Variants in TBC1D24 observed in about 807,000 individuals in gnomAD.
TBC1D24 encodes the protein Infantile myoclonic epilepsy.
A neutral mutation model predicts 50.7 loss-of-function variants in TBC1D24; 47 were observed. That is an observed-to-expected ratio of 0.93 (90% CI 0.73 to 1.18). The LOEUF (loss-of-function observed/expected upper bound fraction) is 1.18, where lower values mean the gene tolerates loss of function less well. Among genes scored for constraint, TBC1D24 ranks in the 50% most tolerant of loss-of-function variants. The probability of loss-of-function intolerance (pLI) is 0.00; values close to 1 mark genes in which losing one functional copy is unlikely to be tolerated. For missense variants in TBC1D24, 688 were observed against 766.5 expected, an observed-to-expected ratio of 0.90 and a Z score of 1.21; for synonymous variants, 324 against 335.2, an observed-to-expected ratio of 0.97 and a Z score of 0.36.
At position 2,496,589 on chromosome 16, in the gene TBC1D24, C is replaced by T. The variant is rs149371169; in HGVS notation, c.441C>T (p.Asp147=). 3.2e-4 allele frequency: 516 copies of T among 1,609,646 alleles called. 1 individual carries two copies. In the African/African-American group the frequency reaches 6.2e-3, roughly 19 times the overall value. The change falls in exon 2 of 8, where the codon GAC becomes GAT. Residue 147 remains aspartate (D), a synonymous_variant. Coordinates refer to ENST00000646147, the MANE Select transcript of TBC1D24 (RefSeq NM_001199107.2). The part of the protein sequence containing the change: ...VVALLLHYSI[D]EAECFEKACR... ...CCCTGCTGCTGCACTACAGCATCGA[C>T]GAGGCCGAGTGCTTCGAGAAGGCCT...
At position 2,496,841 on chromosome 16, in the gene TBC1D24, C is replaced by A; in HGVS notation, c.693C>A (p.Val231=). 1.2e-6 allele frequency: 2 copies of A among 1,614,152 alleles called. No homozygotes were observed. Among genetic ancestry groups the A allele is most frequent in the Non-Finnish European group, 1.7e-6 (2 of 1,180,040 alleles). Residue 231 remains valine (V), a synonymous_variant, in exon 2 of 8, where the codon GTC becomes GTA. Coordinates refer to ENST00000646147, the MANE Select transcript of TBC1D24 (RefSeq NM_001199107.2). Reference sequence around the variant, plus strand: ...GCTACTTCGCCCGGGTCTTTGACGTCTTCCTGGTGGAGGGCTACAAGGTGC... The same window carrying A: ...GCTACTTCGCCCGGGTCTTTGACGTATTCCTGGTGGAGGGCTACAAGGTGC... ...PLCYFARVFD[V]FLVEGYKVLY...
At chr16:2,490,552 G>A (rs1002636387) in intron 1 of TBC1D24, among the ~76,000 whole-genome samples, 1 of 152,224 alleles carries the variant, frequency 6.6e-6, no homozygotes, top group Non-Finnish European at 1.5e-5. Flanking sequence ...CGGAGAGAGA[G>A]TGGGATAGAC....
In TBC1D24 at chr16:2,504,256, A is replaced by C. The variant is rs916796765; in HGVS notation, c.*3298A>C. The C allele has an allele frequency of 6.6e-6, 1 of 152,086 alleles. No individual in the cohort carries two copies. Among genetic ancestry groups the C allele is most frequent in the Non-Finnish European group, 1.5e-5 (1 of 68,030 alleles). 9.4% of individuals were successfully genotyped at this position (152,086 alleles called of 1,614,324 possible). A position where few individuals can be genotyped will look rare whatever the true frequency, so the allele number is the denominator to read the frequency against. On this transcript the variant is annotated 3_prime_UTR_variant, in exon 8 of 8. Coordinates refer to ENST00000646147, the MANE Select transcript of TBC1D24 (RefSeq NM_001199107.2). ...TTTATATTTAGTAATTTAGTTGTGT[A>C]CCTTTTTATTTTGAAGTAATTTTTG... is the stretch of plus-strand genomic sequence containing the variant.
Position 2,500,140 on chromosome 16 carries a change from C to G in TBC1D24, c.1303-128C>G, listed in dbSNP as rs2065778880. On this transcript the variant is annotated intron_variant, in intron 6 of 7. Coordinates refer to ENST00000646147, the MANE Select transcript of TBC1D24 (RefSeq NM_001199107.2). This position sits in a 1 kb window ranked among gnomAD's most constrained non-coding sequence, Gnocchi z 8.0. Reference sequence around the variant, plus strand: ...TCTGCTCGAGCCACCAGCTCCCCAGCCCCTGGCTCGGGCTGCACCCACCTT... The same window carrying G: ...TCTGCTCGAGCCACCAGCTCCCCAGGCCCTGGCTCGGGCTGCACCCACCTT... 9.5e-7 allele frequency: 1 copy of G among 1,056,322 alleles called. No individual in the cohort carries two copies. Among genetic ancestry groups the G allele is most frequent in the Non-Finnish European group, 1.4e-6 (1 of 701,214 alleles). 65.4% of individuals were successfully genotyped at this position (1,056,322 alleles called of 1,614,324 possible). A position where few individuals can be genotyped will look rare whatever the true frequency, so the allele number is the denominator to read the frequency against.
At position 2,498,280 on chromosome 16, in the gene TBC1D24, G is replaced by A. The variant is rs370244846; in HGVS notation, c.1026G>A (p.Ser342=). The A allele has an allele frequency of 2.6e-4, 413 of 1,611,816 alleles. No homozygotes were observed. Among genetic ancestry groups the A allele is most frequent in the Non-Finnish European group, 3.4e-4 (395 of 1,179,002 alleles). Residue 342 remains serine (S), a synonymous_variant, in exon 4 of 8, where the codon TCG becomes TCA. Coordinates refer to ENST00000646147, the MANE Select transcript of TBC1D24 (RefSeq NM_001199107.2). ...CCGTCCATGCAGAGAACTTCCGCTC[G>A]GAGATCGTCAGCGTGAGGGAGATGA... ...HLAVHAENFR[S]EIVSVREMRD... is the part of the protein sequence containing the mutation.
chr16:2,478,301 G>C (rs777578876), intron 1 of TBC1D24: 9 of 152,176 alleles, frequency 5.9e-5, no homozygotes, highest in Non-Finnish European at 1.3e-4. Flanking sequence ...GGTCAACTCT[G>C]TTTCAGAAGA....
chr16:2,490,481 C>T (rs1297358198), intron 1 of TBC1D24, among the ~76,000 whole-genome samples: 1 of 152,188 alleles, frequency 6.6e-6, no homozygotes, highest in Non-Finnish European at 1.5e-5. Context: ...AGATGGCTTC[C>T]CCCACAGGAG....
rs532428077 is a variant in TBC1D24 at position 2,487,418 on chromosome 16, G to C, written c.-115-8616G>C. On this transcript the variant is annotated intron_variant, in intron 1 of 7. Transcript: ENST00000646147. The surrounding 1 kb of genome is among the most constrained non-coding windows in gnomAD (Gnocchi z 4.1). ...ACAGGAGCGGTCCCCAGGAAGGGAG[G>C]CACGGTGTCGGGGTTGGTGTTGGCC... 1.3e-3 allele frequency among the ~76,000 whole-genome samples: 201 copies of C among 152,386 alleles called. No individual in the cohort carries two copies. Among genetic ancestry groups the C allele is most frequent in the African/African-American group, 4.5e-3 (188 of 41,602 alleles).
At chr16:2,479,417 G>C (rs1446078007) in intron 1 of TBC1D24, 1 of 152,246 alleles carries the variant, frequency 6.6e-6, no homozygotes, top group Non-Finnish European at 1.5e-5. Flanking sequence ...CAGACCGAGA[G>C]ACCCAAGGCT....
At chr16:2,495,689 G>T (rs1193327544) in intron 1 of TBC1D24, among the ~76,000 whole-genome samples, 3 of 152,148 alleles carry the variant, frequency 2.0e-5, no homozygotes, top group Non-Finnish European at 2.9e-5. Flanking sequence ...TGAGTCTGGA[G>T]AATCGCTTGA....
intron 1 of TBC1D24, chr16:2,476,886 C>T (rs927078242): frequency 2.0e-5 from 3 of 152,270 alleles, no homozygotes; most frequent in African/African-American, 4.8e-5. Flanking sequence ...TCGCTGACCA[C>T]ACCTGCCAGG....
chr16:2,496,890 C>A lies in TBC1D24; in HGVS notation c.742C>A (p.Leu248Ile). The change falls in exon 2 of 8, where the codon CTC becomes ATC. Residue 248 changes from leucine (L) to isoleucine (I), a missense_variant. Coordinates refer to ENST00000646147, the MANE Select transcript of TBC1D24 (RefSeq NM_001199107.2). ...KVLYRVALAI[L>I]KFFHKVRAGQ... ...GCTGTACCGCGTGGCGCTGGCCATC[C>A]TCAAGTTCTTCCACAAGGTGAGGGC... 1 of 1,614,124 alleles carries A rather than the reference C, an allele frequency of 6.2e-7. No individual in the cohort carries two copies. Among genetic ancestry groups the A allele is most frequent in the Non-Finnish European group, 8.5e-7 (1 of 1,180,048 alleles).
At chr16:2,495,606 TGTCTC>T (rs2065730254) in intron 1 of TBC1D24, among the ~76,000 whole-genome samples, 1 of 152,164 alleles carries the variant, frequency 6.6e-6, no homozygotes, top group Non-Finnish European at 1.5e-5. Flanking sequence ...GGTGAAACCC[TGTCTC>T]TAGTAAAAAT....
chr16:2,488,464 G>A (rs1278250361), intron 1 of TBC1D24, among the ~76,000 whole-genome samples: 1 of 144,708 alleles, frequency 6.9e-6, no homozygotes, highest in Non-Finnish European at 1.5e-5. Flanking sequence ...AATAGAAATC[G>A]CTTATACTCA....
At position 2,475,333 on chromosome 16, in the gene TBC1D24, G is replaced by A. The variant is rs537163338; in HGVS notation, c.-116+163G>A. Among the ~76,000 whole-genome samples the A allele has an allele frequency of 6.6e-6, 1 of 151,252 alleles. No individual in the cohort carries two copies. The highest frequency in any genetic ancestry group is 2.1e-4 in the South Asian group (1 of 4,824). On this transcript the variant is annotated intron_variant, in intron 1 of 7. Coordinates refer to ENST00000646147, the MANE Select transcript of TBC1D24 (RefSeq NM_001199107.2). The surrounding 1 kb of genome is among the most constrained non-coding windows in gnomAD (Gnocchi z 4.2). ...ATCCCCGGCCACGCGCGGGTTGGGGGCTCCAGAGCCCGGCACCGCCCGGCG... is the reference window on the plus strand; with the variant it reads ...ATCCCCGGCCACGCGCGGGTTGGGGACTCCAGAGCCCGGCACCGCCCGGCG...
chr16:2,483,933 G>A lies in TBC1D24; in HGVS notation c.-116+8763G>A, dbSNP rs1038981550. 3 of 152,392 alleles carry A rather than the reference G, an allele frequency of 2.0e-5. No homozygotes were observed. Among genetic ancestry groups the A allele is most frequent in the African/African-American group, 7.2e-5 (3 of 41,412 alleles). The allele number at this position is 152,392 out of a possible 1,614,324, so 9.4% of individuals were successfully genotyped here. On this transcript the variant is annotated intron_variant, in intron 1 of 7. Transcript: ENST00000646147. The surrounding 1 kb of genome is among the most constrained non-coding windows in gnomAD (Gnocchi z 4.0). ...TGTGCTCACCGTGGTTAGTGACACT[G>A]TCACCATCCAGCCCCGGTCAGACAT... is the stretch of plus-strand genomic sequence containing the variant.
At position 2,500,006 on chromosome 16, in the gene TBC1D24, T is replaced by C; in HGVS notation, c.1302+76T>C. 1 of 1,357,526 alleles carries C rather than the reference T, an allele frequency of 7.4e-7. No individual in the cohort carries two copies. The highest frequency in any genetic ancestry group is 1.1e-6 in the Non-Finnish European group (1 of 946,264). The allele number at this position is 1,357,526 out of a possible 1,614,324, so 84.1% of individuals were successfully genotyped here. On this transcript the variant is annotated intron_variant, in intron 6 of 7. Transcript: ENST00000646147. The surrounding 1 kb of genome is among the most constrained non-coding windows in gnomAD (Gnocchi z 8.0). ...TCCCTCCAGGAGCACCCGCCTGCCC[T>C]GGGGACACTGTTGGGTGTCGCCATG...
Position 2,498,299 on chromosome 16 carries a change from G to A in TBC1D24, c.1045G>A (p.Glu349Lys). 3 of 1,611,746 alleles carry A rather than the reference G, an allele frequency of 1.9e-6. No homozygotes were observed. Among genetic ancestry groups the A allele is most frequent in the Non-Finnish European group, 2.5e-6 (3 of 1,178,958 alleles). ...NFRSEIVSVR[E>K]MRDIWSWVPE... ...CCGCTCGGAGATCGTCAGCGTGAGG[G>A]AGATGAGAGACATCTGGTCCTGGGT... Residue 349 changes from glutamate to lysine, a missense_variant, in exon 4 of 8, where the codon GAG becomes AAG. Coordinates refer to ENST00000646147, the MANE Select transcript of TBC1D24 (RefSeq NM_001199107.2).
At position 2,501,236 on chromosome 16, in the gene TBC1D24, G is replaced by A. The variant is rs1311944619; in HGVS notation, c.*278G>A. 1.1e-5 allele frequency: 6 copies of A among 525,100 alleles called. No homozygotes were observed. The highest frequency in any genetic ancestry group is 3.3e-5 in the East Asian group (1 of 29,876). 32.5% of individuals were successfully genotyped at this position (525,100 alleles called of 1,614,324 possible). On this transcript the variant is annotated 3_prime_UTR_variant, in exon 8 of 8. Transcript: ENST00000646147. The stretch of plus-strand genomic sequence containing the variant: ...GGCATAGGAAGTACCTTCCTCCTCC[G>A]TGGAGGCTTCCATAGCCCAAGGCCT...
Sources: gnomAD v4.1 joint callset for allele counts (sites outside exome capture counted in the v4.1 genomes callset) on GRCh38, gnomAD v4.1.1 for gene constraint, Gnocchi (gnomAD v3.1) non-coding constraint, MANE v1.5 for transcripts, NCBI Gene and HGNC (gene_info 2026-07-23, HGNC 2026-07-21) for gene names.